The following NDUFA8 variants were observed in gnomAD, a reference collection of about 807,000 sequenced individuals.
NDUFA8 encodes NADH dehydrogenase [ubiquinone] 1 alpha subcomplex subunit 8.
NDUFA8 carries 16 observed loss-of-function variants against 20.9 expected under a neutral mutation model. The ratio of observed to expected loss-of-function variants is 0.77; its 90% CI spans 0.52 to 1.16. The LOEUF is 1.16. Among genes scored for constraint, NDUFA8 ranks in the 50% most tolerant of loss-of-function variants. NDUFA8 has a pLI of 0.00. For synonymous variants in NDUFA8, 70 were observed against 76.1 expected (o/e 0.92, Z 0.41); for missense variants, 202 against 216.4 (o/e 0.93, Z 0.42).
chr9:122,156,436 G>C (rs1335520212), intron 1 of NDUFA8, among the ~76,000 whole-genome samples: 1 of 152,212 alleles, frequency 6.6e-6, no homozygotes, highest in Non-Finnish European at 1.5e-5. Context: ...ATGTAAAACA[G>C]AGAATAGTAC....
downstream of NDUFA8, among the ~76,000 whole-genome samples, chr9:122,142,261 G>C (rs1049635716): frequency 2.0e-5 from 3 of 152,214 alleles, no homozygotes; most frequent in African/African-American, 7.2e-5. Context: ...TTTGGAATCA[G>C]ATGTATCTGG....
At chr9:122,155,284 G>A (rs1259012280) in intron 1 of NDUFA8, among the ~76,000 whole-genome samples, 1 of 152,146 alleles carries the variant, frequency 6.6e-6, no homozygotes, top group East Asian at 1.9e-4. Flanking sequence ...CCTCCATGTT[G>A]GTCAGGCTGG....
At chr9:122,139,331 G>C (rs1217735151), downstream of NDUFA8, among the ~76,000 whole-genome samples, 1 of 135,444 alleles carries the variant, frequency 7.4e-6, no homozygotes, top group Non-Finnish European at 1.7e-5. Context: ...TCTGTGGCCT[G>C]TCTTCTTAAA....
chr9:122,142,113 CCTGTGTGAT>C (rs1292497543), downstream of NDUFA8, among the ~76,000 whole-genome samples: 1 of 152,168 alleles, frequency 6.6e-6, no homozygotes, highest in Non-Finnish European at 1.5e-5. Context: ...TCCCTCATTA[CCTGTGTGAT>C]CTATGGACCA....
intron 1 of NDUFA8, among the ~76,000 whole-genome samples, chr9:122,152,800 A>G (rs1359641473): frequency 2.0e-5 from 3 of 152,158 alleles, no homozygotes; most frequent in African/African-American, 4.8e-5. Flanking sequence ...CAATAGTCTC[A>G]TGAAGAGATT....
downstream of NDUFA8, among the ~76,000 whole-genome samples, chr9:122,139,381 C>T (rs1052918680): frequency 6.6e-6 from 1 of 152,102 alleles, no homozygotes; most frequent in African/African-American, 2.4e-5. Context: ...TATATTAACC[C>T]TGTTTGGTTC....
intron 1 of NDUFA8, 134 bp from the exon 2 acceptor site, chr9:122,152,542 T>C: frequency 1.3e-6 from 1 of 759,356 alleles, no homozygotes. Flanking sequence ...AATTAAACAC[T>C]GTCATAATAA....
chr9:122,149,100 T>TTC (rs1303785356), intron 2 of NDUFA8, among the ~76,000 whole-genome samples: 1 of 152,224 alleles, frequency 6.6e-6, no homozygotes, highest in Non-Finnish European at 1.5e-5. Context: ...GAACACCTCT[T>TTC]TCTCCCAATG....
At chr9:122,156,712 C>T (rs1829080737) in intron 1 of NDUFA8, among the ~76,000 whole-genome samples, 1 of 152,198 alleles carries the variant, frequency 6.6e-6, no homozygotes, top group South Asian at 2.1e-4. Context: ...AGTACTATTG[C>T]CACGCTGCAA....
At position 122,152,340 on chromosome 9, in the gene NDUFA8, G is replaced by T; in HGVS notation, c.120C>A (p.Asn40Lys). 6.2e-7 allele frequency: 1 copy of T among 1,614,080 alleles called. No homozygotes were observed. Among genetic ancestry groups the T allele is most frequent in the Non-Finnish European group, 8.5e-7 (1 of 1,180,028 alleles). ...CCCAGCGGCAGAGCATAAACTCCTT[G>T]TTGGGCTTATCACATTGAGCTCCAT... The part of the protein sequence containing the change: ...HHYGAQCDKP[N>K]KEFMLCRWEE... Residue 40 changes from asparagine to lysine, a missense_variant, in exon 2 of 4, where the codon AAC (asparagine) becomes AAA (lysine). Asn to Lys is a moderately conservative substitution (Grantham distance 94). Coordinates refer to ENST00000373768, the MANE Select transcript of NDUFA8 (RefSeq NM_014222.3).
intron 1 of NDUFA8, among the ~76,000 whole-genome samples, chr9:122,153,801 T>G (rs1829039138): frequency 6.6e-6 from 1 of 152,252 alleles, no homozygotes. Context: ...TGCATTCAAA[T>G]TGTATTAAAT....
chr9:122,147,465 G>T (rs565303993), intron 3 of NDUFA8, among the ~76,000 whole-genome samples: 1 of 152,288 alleles, frequency 6.6e-6, no homozygotes, highest in South Asian at 2.1e-4. Flanking sequence ...GCATAAGCCT[G>T]ATCCTATTTC....
chr9:122,158,805 G>C (rs1036179757), intron 1 of NDUFA8, among the ~76,000 whole-genome samples: 2 of 141,174 alleles, frequency 1.4e-5, no homozygotes, highest in Non-Finnish European at 2.9e-5. Flanking sequence ...ATGTGTATGT[G>C]TGTGTATATA....
intron 1 of NDUFA8, among the ~76,000 whole-genome samples, chr9:122,157,584 A>G (rs1829093422): frequency 6.6e-6 from 1 of 150,518 alleles, no homozygotes; most frequent in African/African-American, 2.5e-5. Context: ...TGTATGAAGT[A>G]GAACTTCAGA....
chr9:122,147,617 A>ATTTTTTTT (rs34576446), intron 3 of NDUFA8, among the ~76,000 whole-genome samples: 9 of 106,764 alleles, frequency 8.4e-5, no homozygotes, highest in East Asian at 2.5e-4. Context: ...GCCTAAAGAA[A>ATTTTTTTT]TTTTTTTTTT....
At chr9:122,142,116 G>C (rs1360916632), downstream of NDUFA8, among the ~76,000 whole-genome samples, 1 of 152,190 alleles carries the variant, frequency 6.6e-6, no homozygotes, top group Non-Finnish European at 1.5e-5. Flanking sequence ...CTCATTACCT[G>C]TGTGATCTAT....
intron 1 of NDUFA8, among the ~76,000 whole-genome samples, chr9:122,155,065 T>C (rs1046155959): frequency 2.0e-5 from 3 of 152,200 alleles, no homozygotes; most frequent in African/African-American, 7.2e-5. Context: ...GAACAGTCTG[T>C]AATTTTATTT....
At chr9:122,133,344 C>T in the NDUFA8 span, among the ~76,000 whole-genome samples, 3 of 152,312 alleles carry the variant, frequency 2.0e-5, no homozygotes, top group East Asian at 5.8e-4. Flanking sequence ...CTTATCCAGG[C>T]AGGAAAGGTG....
At chr9:122,157,401 G>A (rs1348033425) in intron 1 of NDUFA8, among the ~76,000 whole-genome samples, 4 of 152,180 alleles carry the variant, frequency 2.6e-5, no homozygotes, top group African/African-American at 4.8e-5. Flanking sequence ...CAAGGTGACC[G>A]GCAGGTAGGC....
Sources: gnomAD v4.1 joint callset for allele counts (sites outside exome capture counted in the v4.1 genomes callset) on GRCh38, gnomAD v4.1.1 for gene constraint, MANE v1.5 for transcripts, NCBI Gene and HGNC (gene_info 2026-07-23, HGNC 2026-07-21) for gene names.